PCDHGA5: variants seen among roughly 807,000 people sequenced by gnomAD.
PCDHGA5 encodes protocadherin gamma-A5.
PCDHGA5 carries 36 observed loss-of-function variants against 56.7 expected under a neutral mutation model. The observed-to-expected ratio is 0.64, with a 90% CI of 0.49 to 0.84. The LOEUF (loss-of-function observed/expected upper bound fraction) is 0.84, where lower values mean the gene tolerates loss of function less well. Ranked by LOEUF, PCDHGA5 falls within the 40% of genes least tolerant of loss-of-function variation. The pLI, the probability that PCDHGA5 is intolerant of heterozygous loss-of-function variation, is 0.00. For missense variants in PCDHGA5, 1,305 were observed against 1,201.5 expected, an observed-to-expected ratio of 1.09 and a Z score of -1.27; for synonymous variants, 563 against 520.2, an observed-to-expected ratio of 1.08 and a Z score of -1.12.
chr5:141,393,434 T>C (rs1554093883), intron 1 of PCDHGA5: 5 of 1,613,902 alleles, frequency 3.1e-6, no homozygotes, highest in South Asian at 1.1e-5. Flanking sequence ...AAGAGGCTGC[T>C]CACCACCTGG....
chr5:141,485,586 TG>T lies in PCDHGA5; in HGVS notation c.2422-9219del. The T allele has an allele frequency of 6.2e-7, 1 of 1,612,402 alleles. No homozygotes were observed. Among genetic ancestry groups the T allele is most frequent in the Non-Finnish European group, 8.5e-7 (1 of 1,178,600 alleles). Reference sequence around the variant, plus strand: ...GCCCCCCGTTTTCCGCGGCAGCAGCTGGACTTGGAAATTGGGGAGGCAGCTC... The same window carrying T: ...GCCCCCCGTTTTCCGCGGCAGCAGCTGACTTGGAAATTGGGGAGGCAGCTC... On this transcript the variant is annotated intron_variant, in intron 1 of 3. Coordinates refer to ENST00000518069, the MANE Select transcript of PCDHGA5 (RefSeq NM_018918.3). The surrounding 1 kb of genome is among the most constrained non-coding windows in gnomAD (Gnocchi z 5.7).
intron 1 of PCDHGA5, chr5:141,408,785 T>C: frequency 6.2e-7 from 1 of 1,612,308 alleles, no homozygotes; most frequent in Non-Finnish European, 8.5e-7. Context: ...CCCAGAGTTA[T>C]CTCTGGAGAA....
intron 3 of PCDHGA5, among the ~76,000 whole-genome samples, 193 bp downstream of exon 3, chr5:141,505,674 G>C (rs1482125302): frequency 6.6e-6 from 1 of 152,192 alleles, no homozygotes; most frequent in East Asian, 1.9e-4. Context: ...GGGGTTGGGG[G>C]TCCTGGGATG....
chr5:141,451,993 C>G (rs1235806360), intron 1 of PCDHGA5, among the ~76,000 whole-genome samples: 4 of 152,164 alleles, frequency 2.6e-5, no homozygotes, highest in African/African-American at 7.2e-5. Context: ...TCATTAGAAG[C>G]AAAATCACTT....
rs10040701 is a variant in PCDHGA5 at position 141,508,490 on chromosome 5, A to G, written c.2570-2457A>G. ...TCTTTCTTTTACATTCTGGATTTCC[A>G]TATCTTCTCTCCCTCCTGGTCCAGC... On this transcript the variant is annotated intron_variant, in intron 3 of 3. Transcript: ENST00000518069. Among the ~76,000 whole-genome samples, 377 of 152,202 alleles carry G rather than the reference A, an allele frequency of 2.5e-3. 1 individual carries two copies. The highest frequency in any genetic ancestry group is 8.6e-3 in the African/African-American group (358 of 41,530).
In PCDHGA5 at chr5:141,487,460, G is replaced by T; in HGVS notation, c.2422-7347G>T. ...AGGGTCAGATGACCCTATCAAGTTT[G>T]TTGATGTGGGAGGCCACTCTCATGG... On this transcript the variant is annotated intron_variant, in intron 1 of 3. Transcript: ENST00000518069. The surrounding 1 kb of genome is among the most constrained non-coding windows in gnomAD (Gnocchi z 5.0). 1 of 1,614,170 alleles carries T rather than the reference G, an allele frequency of 6.2e-7. No individual in the cohort carries two copies. Among genetic ancestry groups the T allele is most frequent in the Non-Finnish European group, 8.5e-7 (1 of 1,180,024 alleles).
intron 1 of PCDHGA5, among the ~76,000 whole-genome samples, chr5:141,480,400 G>A (rs1364147575): frequency 6.8e-6 from 1 of 146,550 alleles, no homozygotes; most frequent in Non-Finnish European, 1.5e-5. Context: ...TGGCAATAGA[G>A]TGAGACCCTG....
At chr5:141,385,033 C>A in intron 1 of PCDHGA5, 1 of 1,614,182 alleles carries the variant, frequency 6.2e-7, no homozygotes, top group South Asian at 1.1e-5. Flanking sequence ...CCTCGTACTG[C>A]TGGCGCTCAG....
At chr5:141,372,130 C>T in intron 1 of PCDHGA5, 4 of 1,613,648 alleles carry the variant, frequency 2.5e-6, no homozygotes, top group South Asian at 1.1e-5. Context: ...GATATGGTGC[C>T]GCGCTCTGCA....
intron 1 of PCDHGA5, among the ~76,000 whole-genome samples, chr5:141,465,839 G>A (rs1166392052): frequency 6.6e-6 from 1 of 151,400 alleles, no homozygotes; most frequent in Non-Finnish European, 1.5e-5. Context: ...AATTTCAACT[G>A]AGGCTGGGCC....
At chr5:141,496,021 G>T (rs1011612662) in intron 2 of PCDHGA5, among the ~76,000 whole-genome samples, 2 of 151,336 alleles carry the variant, frequency 1.3e-5, no homozygotes, top group African/African-American at 4.9e-5. Flanking sequence ...TTTTCTCTGA[G>T]CCTCTGTCTC....
intron 1 of PCDHGA5, chr5:141,405,487 T>G (rs750718741): frequency 4.3e-6 from 4 of 924,990 alleles, no homozygotes; most frequent in Non-Finnish European, 6.4e-6. Context: ...TGGTGTGATC[T>G]CGGCTCATTG....
chr5:141,374,959 C>T, intron 1 of PCDHGA5: 1 of 1,614,014 alleles, frequency 6.2e-7, no homozygotes, highest in Non-Finnish European at 8.5e-7. Context: ...CACAAATTTT[C>T]TGTTTGAATG....
Position 141,490,271 on chromosome 5 carries a change from A to G in PCDHGA5, c.2422-4536A>G, listed in dbSNP as rs750463186. 6.8e-6 allele frequency: 11 copies of G among 1,614,246 alleles called. No homozygotes were observed. Among genetic ancestry groups the G allele is most frequent in the Non-Finnish European group, 8.5e-6 (10 of 1,180,054 alleles). On this transcript the variant is annotated intron_variant, in intron 1 of 3. Coordinates refer to ENST00000518069, the MANE Select transcript of PCDHGA5 (RefSeq NM_018918.3). The surrounding 1 kb of genome is among the most constrained non-coding windows in gnomAD (Gnocchi z 5.4). The stretch of plus-strand genomic sequence containing the variant: ...ATTCAAGTGGATGTGGGGGATGTCA[A>G]TGACAATGCCCCAGAGGTGCTATTG...
At chr5:141,510,785 C>G (rs951225541) in intron 3 of PCDHGA5, among the ~76,000 whole-genome samples, 162 bp from the exon 4 acceptor site, 1 of 152,150 alleles carries the variant, frequency 6.6e-6, no homozygotes, top group Non-Finnish European at 1.5e-5. Flanking sequence ...ACCCTCAACT[C>G]TTGTGAAGAG....
At chr5:141,374,343 C>G (rs753543776) in intron 1 of PCDHGA5, 3 of 1,613,872 alleles carry the variant, frequency 1.9e-6, no homozygotes, top group African/African-American at 1.3e-5. Context: ...TTGGTCACCG[C>G]GGGTAGGATA....
At chr5:141,405,372 T>C in intron 1 of PCDHGA5, 1 of 1,601,630 alleles carries the variant, frequency 6.2e-7, no homozygotes, top group East Asian at 2.2e-5. Flanking sequence ...ACCCCTTTGG[T>C]TCCGGTGAGT....
Position 141,409,958 on chromosome 5 carries a change from T to C in PCDHGA5, c.2421+43207T>C. ...GGTACCTCGCTCTGCAGAGCCCGGC[T>C]ACCTAGTGACTAAGGTGGTAGCGGT... On this transcript the variant is annotated intron_variant, in intron 1 of 3. Transcript: ENST00000518069. 6.2e-7 allele frequency: 1 copy of C among 1,613,394 alleles called. No individual in the cohort carries two copies.
chr5:141,407,355 A>C (rs991392072), intron 1 of PCDHGA5, among the ~76,000 whole-genome samples: 8 of 152,198 alleles, frequency 5.3e-5, no homozygotes, highest in Non-Finnish European at 1.0e-4. Context: ...TTTGGGGAAA[A>C]CATAACAGAT....
Sources: allele counts gnomAD v4.1 joint callset (sites outside exome capture counted in the v4.1 genomes callset), GRCh38; gene constraint gnomAD v4.1.1; non-coding constraint Gnocchi (gnomAD v3.1); transcripts MANE v1.5; gene names NCBI Gene and HGNC (gene_info 2026-07-23, HGNC 2026-07-21).